Variants in KALRN observed in about 807,000 individuals in gnomAD.
KALRN encodes kalirin.
A neutral mutation model predicts 353.7 loss-of-function variants in KALRN; 70 were observed. The ratio of observed to expected loss-of-function variants is 0.20; its 90% CI spans 0.16 to 0.24. KALRN has a LOEUF of 0.24. Ranked by LOEUF, KALRN falls within the 10% of genes least tolerant of loss-of-function variation. The pLI, the probability that KALRN is intolerant of heterozygous loss-of-function variation, is 1.00. For missense variants in KALRN, 2,791 were observed against 3,756.7 expected (o/e 0.74, Z 6.72); for synonymous variants, 1,391 against 1,434.8 (o/e 0.97, Z 0.69).
chr3:124,626,442 AT>A (rs1417299432), intron 34 of KALRN, among the ~76,000 whole-genome samples: 2 of 152,136 alleles, frequency 1.3e-5, no homozygotes, highest in South Asian at 2.1e-4. Flanking sequence ...ATAGATGTCA[AT>A]TTTTTTCTAT....
At chr3:124,366,491 G>C (rs2084711509) in intron 10 of KALRN, among the ~76,000 whole-genome samples, 1 of 148,858 alleles carries the variant, frequency 6.7e-6, no homozygotes, top group Non-Finnish European at 1.5e-5. Flanking sequence ...AGTGGACACA[G>C]CACATGTTTC....
chr3:124,441,845 AG>A, intron 18 of KALRN, 99 bp from the exon 19 acceptor site: 3 of 683,844 alleles, frequency 4.4e-6, no homozygotes, highest in East Asian at 3.0e-5. Flanking sequence ...AAAAAAAAAA[AG>A]CAAAAGAAAA....
At chr3:124,431,464 T>G (rs1364452310) in intron 16 of KALRN, among the ~76,000 whole-genome samples, 1 of 152,234 alleles carries the variant, frequency 6.6e-6, no homozygotes, top group Non-Finnish European at 1.5e-5. Context: ...TAATTATCCT[T>G]TTTAACTAGG....
chr3:124,055,872 G>A lies in KALRN; in HGVS notation c.73+22059G>A, dbSNP rs1276843952. Among the ~76,000 whole-genome samples, 3 of 152,156 alleles carry A rather than the reference G, an allele frequency of 2.0e-5. No homozygotes were observed. In the East Asian group the frequency reaches 5.8e-4, roughly 29 times the overall value. On this transcript the variant is annotated intron_variant, in intron 1 of 59. Coordinates refer to ENST00000682506, the MANE Select transcript of KALRN (RefSeq NM_001388419.1). ...GGTGCCATTTTTTTCCCCATGCCAA[G>A]TCTTTTCCATTCCTGTGCATTGATT...
intron 7 of KALRN, among the ~76,000 whole-genome samples, chr3:124,327,223 G>A (rs1055399908): frequency 1.7e-4 from 26 of 152,294 alleles, no homozygotes; most frequent in African/African-American, 2.9e-4. Flanking sequence ...TAGCTGTTAC[G>A]TTGTAAATAA....
intron 1 of KALRN, among the ~76,000 whole-genome samples, chr3:124,192,785 C>T (rs1208907082): frequency 6.6e-6 from 1 of 152,210 alleles, no homozygotes; most frequent in Non-Finnish European, 1.5e-5. Context: ...AACCAGAGGC[C>T]TCAGAAGAAA....
intron 5 of KALRN, among the ~76,000 whole-genome samples, chr3:124,294,520 C>CTTTTTTTTTTTTTTTTTTTTT (rs397990993): frequency 1.4e-5 from 1 of 73,894 alleles, no homozygotes; most frequent in African/African-American, 5.1e-5. Context: ...AGATTCTCTT[C>CTTTTTTTTTTTTTTTTTTTTT]TTTTTTTTTT....
intron 1 of KALRN, among the ~76,000 whole-genome samples, chr3:124,121,019 G>A (rs1341291892): frequency 6.9e-6 from 1 of 145,548 alleles, no homozygotes; most frequent in Non-Finnish European, 1.5e-5. Flanking sequence ...GCTTGAACCC[G>A]AGAGGCAGAT....
chr3:124,224,999 A>G (rs1229449990), intron 1 of KALRN, among the ~76,000 whole-genome samples: 1 of 152,226 alleles, frequency 6.6e-6, no homozygotes, highest in African/African-American at 2.4e-5. Flanking sequence ...TATTTATTGA[A>G]CATTTACCGT....
chr3:124,507,866 A>G (rs2065411726), intron 33 of KALRN, among the ~76,000 whole-genome samples: 1 of 152,212 alleles, frequency 6.6e-6, no homozygotes, highest in African/African-American at 2.4e-5. Flanking sequence ...TTGAAAGATA[A>G]ATTTTGCCTG....
At chr3:124,602,038 AAAAAG>A (rs2076862307) in intron 34 of KALRN, among the ~76,000 whole-genome samples, 1 of 151,344 alleles carries the variant, frequency 6.6e-6, no homozygotes, top group Non-Finnish European at 1.5e-5. Context: ...AAAAAAAAAA[AAAAAG>A]AAAAGAAAAA....
intron 1 of KALRN, among the ~76,000 whole-genome samples, chr3:124,130,531 T>C (rs933938046): frequency 2.6e-5 from 4 of 152,192 alleles, no homozygotes; most frequent in Non-Finnish European, 5.9e-5. Context: ...GAACTTACTT[T>C]GCTGGTGGGA....
At chr3:124,636,865 A>C (rs1174453808) in intron 36 of KALRN, among the ~76,000 whole-genome samples, 1 of 152,194 alleles carries the variant, frequency 6.6e-6, no homozygotes, top group African/African-American at 2.4e-5. Context: ...GTTTGCCCAC[A>C]GAGCAGTAGC....
chr3:124,331,296 G>A (rs889634256), intron 8 of KALRN, among the ~76,000 whole-genome samples: 4 of 152,100 alleles, frequency 2.6e-5, no homozygotes, highest in Non-Finnish European at 5.9e-5. Context: ...CAAAATAATG[G>A]CATTCACAGC....
intron 33 of KALRN, among the ~76,000 whole-genome samples, chr3:124,537,920 T>C (rs1482808604): frequency 6.6e-6 from 1 of 152,184 alleles, no homozygotes; most frequent in African/African-American, 2.4e-5. Flanking sequence ...GTTCATGAGA[T>C]GTTTGTTAGT....
intron 34 of KALRN, among the ~76,000 whole-genome samples, chr3:124,618,933 T>G (rs1453143053): frequency 6.6e-6 from 1 of 152,172 alleles, no homozygotes; most frequent in African/African-American, 2.4e-5. Flanking sequence ...CACTTGAAAA[T>G]AGTAAGCATT....
At chr3:124,385,264 C>T (rs1375197960) in intron 11 of KALRN, among the ~76,000 whole-genome samples, 1 of 152,126 alleles carries the variant, frequency 6.6e-6, no homozygotes, top group Non-Finnish European at 1.5e-5. Context: ...GTCATGGAGA[C>T]AGGTGGTTTT....
At chr3:124,516,686 T>A (rs1022071541) in intron 33 of KALRN, among the ~76,000 whole-genome samples, 1 of 150,094 alleles carries the variant, frequency 6.7e-6, no homozygotes, top group Non-Finnish European at 1.5e-5. Context: ...ATGGTGTGTG[T>A]GGGGGTGTCT....
chr3:124,629,376 A>G (rs1227011536), intron 34 of KALRN, among the ~76,000 whole-genome samples: 6 of 150,492 alleles, frequency 4.0e-5, no homozygotes, highest in Non-Finnish European at 8.8e-5. Context: ...ACAAAGCAGT[A>G]ACAACAACAA....
Sources: allele counts gnomAD v4.1 joint callset (sites outside exome capture counted in the v4.1 genomes callset), GRCh38; gene constraint gnomAD v4.1.1; transcripts MANE v1.5; gene names NCBI Gene and HGNC (gene_info 2026-07-23, HGNC 2026-07-21).